The following C12orf42 variants were observed in gnomAD, a reference collection of about 807,000 sequenced individuals.
C12orf42 encodes the protein uncharacterized protein C12orf42.
Under a neutral mutation model 21.6 loss-of-function variants are expected in C12orf42, and 25 were observed. That is an observed-to-expected ratio of 1.16 (90% confidence interval 0.84 to 1.62). The LOEUF (loss-of-function observed/expected upper bound fraction) is 1.62. C12orf42 is among the 40% of genes most tolerant of loss of function. The pLI is 0.00. For missense variants in C12orf42, 483 were observed against 459.3 expected, an observed-to-expected ratio of 1.05 and a Z score of -0.47; for synonymous variants, 174 against 175.0, an observed-to-expected ratio of 0.99 and a Z score of 0.05.
chr12:103,257,355 A>C (rs917878887), intron 10 of C12orf42, among the ~76,000 whole-genome samples: 7 of 152,166 alleles, frequency 4.6e-5, no homozygotes, highest in African/African-American at 1.7e-4. Context: ...CTGAATATAA[A>C]ATAAAGTTAA....
the C12orf42 span, among the ~76,000 whole-genome samples, chr12:103,520,233 G>A: frequency 6.6e-6 from 1 of 152,154 alleles, no homozygotes; most frequent in African/African-American, 2.4e-5. Flanking sequence ...GAGGACATTA[G>A]GAGAGAGTGG....
At chr12:103,301,020 T>G (rs1453610962), downstream of C12orf42, among the ~76,000 whole-genome samples, 1 of 152,212 alleles carries the variant, frequency 6.6e-6, no homozygotes, top group East Asian at 1.9e-4. Context: ...ATAAAAAAAG[T>G]AAACAGTCTT....
At chr12:103,078,958 T>G in the C12orf42 span, among the ~76,000 whole-genome samples, 1 of 152,172 alleles carries the variant, frequency 6.6e-6, no homozygotes, top group Admixed American at 6.5e-5. Context: ...GGAATGTATA[T>G]CTGGTTTGAA....
At chr12:103,057,297 T>C in the C12orf42 span, among the ~76,000 whole-genome samples, 1 of 151,936 alleles carries the variant, frequency 6.6e-6, no homozygotes, top group Non-Finnish European at 1.5e-5. Context: ...ACCCATCATC[T>C]AGGTTTTAAG....
chr12:103,384,689 C>T (rs2046460825), intron 3 of C12orf42, among the ~76,000 whole-genome samples: 2 of 152,158 alleles, frequency 1.3e-5, no homozygotes, highest in South Asian at 4.1e-4. Context: ...ATAGTTACAT[C>T]CAATCAAGTC....
At chr12:103,384,678 A>G (rs192405284) in intron 3 of C12orf42, among the ~76,000 whole-genome samples, 36 of 152,360 alleles carry the variant, frequency 2.4e-4, no homozygotes, top group Non-Finnish European at 1.5e-5. Context: ...TAAAGAGCAG[A>G]ATAGTTACAT....
At chr12:103,238,585 A>C (rs1336321624) in intron 10 of C12orf42, among the ~76,000 whole-genome samples, 1 of 152,198 alleles carries the variant, frequency 6.6e-6, no homozygotes, top group East Asian at 1.9e-4. Flanking sequence ...TTGAAAGGAT[A>C]AACTCCAGCT....
the C12orf42 span, among the ~76,000 whole-genome samples, chr12:103,138,579 C>T: frequency 2.0e-5 from 3 of 152,290 alleles, no homozygotes; most frequent in Non-Finnish European, 4.4e-5. Context: ...TAGTTCTTTA[C>T]AGCAGTGTGA....
At chr12:103,218,664 T>C in the C12orf42 span, among the ~76,000 whole-genome samples, 1 of 152,180 alleles carries the variant, frequency 6.6e-6, no homozygotes, top group Non-Finnish European at 1.5e-5. Flanking sequence ...CTGTGACAAG[T>C]GGCTCAGGAT....
chr12:103,530,627 G>GGA, the C12orf42 span, among the ~76,000 whole-genome samples: 2 of 103,380 alleles, frequency 1.9e-5, no homozygotes, highest in African/African-American at 2.8e-5. Flanking sequence ...GCAAGTGTTC[G>GGA]GGGGGGGAAA....
At chr12:103,457,334 G>A (rs976362730) in intron 2 of C12orf42, among the ~76,000 whole-genome samples, 6 of 152,166 alleles carry the variant, frequency 3.9e-5, no homozygotes, top group African/African-American at 1.4e-4. Flanking sequence ...AGAAGCTACT[G>A]GCAGGGTATA....
At chr12:103,538,615 T>C in the C12orf42 span, among the ~76,000 whole-genome samples, 1 of 152,248 alleles carries the variant, frequency 6.6e-6, no homozygotes, top group Non-Finnish European at 1.5e-5. Flanking sequence ...GGCATCTTCC[T>C]GTGAATCATC....
the C12orf42 span, among the ~76,000 whole-genome samples, chr12:103,183,510 G>T: frequency 0.011 from 1,650 of 150,502 alleles, 27 homozygotes; most frequent in African/African-American, 0.038. Context: ...ATTTTTTTTT[G>T]AATAACCAGC....
At chr12:103,488,779 T>G (rs1455366054) in intron 1 of C12orf42, among the ~76,000 whole-genome samples, 1 of 152,238 alleles carries the variant, frequency 6.6e-6, no homozygotes, top group African/African-American at 2.4e-5. Flanking sequence ...GAAGTTTTCA[T>G]GCCATGGTTT....
the C12orf42 span, among the ~76,000 whole-genome samples, chr12:103,051,364 T>C: frequency 3.5e-4 from 54 of 152,248 alleles, no homozygotes; most frequent in African/African-American, 1.3e-3. Flanking sequence ...CTTAAGAGGA[T>C]AAGGACCAAC....
At chr12:103,219,111 G>A in the C12orf42 span, among the ~76,000 whole-genome samples, 1 of 152,192 alleles carries the variant, frequency 6.6e-6, no homozygotes. Context: ...GAGCCAAGTG[G>A]TCTAGGTCAG....
intron 3 of C12orf42, among the ~76,000 whole-genome samples, chr12:103,395,278 C>T (rs1264517090): frequency 6.6e-6 from 1 of 151,530 alleles, no homozygotes; most frequent in Non-Finnish European, 1.5e-5. Context: ...AGAAGTTGGC[C>T]ACAATATTTG....
the C12orf42 span, among the ~76,000 whole-genome samples, chr12:103,180,785 C>T: frequency 6.6e-6 from 1 of 151,218 alleles, no homozygotes; most frequent in Non-Finnish European, 1.5e-5. Flanking sequence ...TGTGCCACCA[C>T]ACCCGGCTAA....
chr12:103,122,898 T>A, the C12orf42 span, among the ~76,000 whole-genome samples: 3 of 152,046 alleles, frequency 2.0e-5, no homozygotes, highest in South Asian at 6.2e-4. Flanking sequence ...GATGGCTGTG[T>A]TGAGGATATA....
Sources: allele counts gnomAD v4.1 joint callset (sites outside exome capture counted in the v4.1 genomes callset), GRCh38; gene constraint gnomAD v4.1.1; transcripts MANE v1.5; gene names NCBI Gene and HGNC (gene_info 2026-07-23, HGNC 2026-07-21).